Variants in IL1RAPL2 observed in about 807,000 individuals in gnomAD.
IL1RAPL2 encodes interleukin 1 receptor accessory protein like 2.
In IL1RAPL2, 3 loss-of-function variants were observed where a neutral mutation model predicts 44.1. That is an observed-to-expected ratio of 0.07 (90% CI 0.03 to 0.18). IL1RAPL2 has a LOEUF of 0.18. IL1RAPL2 is among the 10% of genes least tolerant of loss of function. The probability of loss-of-function intolerance (pLI) is 1.00; values close to 1 mark genes in which losing one functional copy is unlikely to be tolerated. For synonymous variants in IL1RAPL2, 181 were observed against 178.8 expected, an observed-to-expected ratio of 1.01 and a Z score of -0.10; for missense variants, 391 against 496.4, an observed-to-expected ratio of 0.79 and a Z score of 2.02.
At chrX:104,635,355 C>T (rs1056047703) in intron 1 of IL1RAPL2, among the ~76,000 whole-genome samples, 10 of 109,852 alleles carry the variant, frequency 9.1e-5, no homozygotes, top group East Asian at 2.9e-4. Flanking sequence ...ATCTTTGTGG[C>T]GTTCTCTGTA....
rs571033955 is a variant in IL1RAPL2 at position 104,803,948 on chromosome X, G to A, written c.82+144953G>A. The A allele has an allele frequency of 8.0e-5, 9 of 112,565 alleles. No homozygotes were observed. The South Asian group carries it at 3.2e-3, about 40-fold the overall frequency. 9.3% of individuals were successfully genotyped at this position (112,565 alleles called of 1,213,427 possible). On this transcript the variant is annotated intron_variant, in intron 2 of 10. Transcript: ENST00000372582. ...TGGCACGCTGCAAGAGTAAAAGGTG[G>A]CAGGGCACTACCTGCCCACTCCCAA...
chrX:104,956,495 T>TGTGTG (rs1556020850), intron 2 of IL1RAPL2, among the ~76,000 whole-genome samples: 3 of 108,593 alleles, frequency 2.8e-5, no homozygotes, highest in East Asian at 2.9e-4. Context: ...TGTGTGTGTG[T>TGTGTG]TATGCCGGGC....
chrX:104,934,943 G>A (rs1041216396), intron 2 of IL1RAPL2, among the ~76,000 whole-genome samples: 2 of 112,077 alleles, frequency 1.8e-5, no homozygotes, highest in Non-Finnish European at 3.8e-5. Flanking sequence ...CCACTTAGTA[G>A]TTGTGTGGAT....
chrX:105,282,997 A>G (rs373493626), intron 5 of IL1RAPL2, among the ~76,000 whole-genome samples: 4 of 111,734 alleles, frequency 3.6e-5, no homozygotes, highest in African/African-American at 1.3e-4. Context: ...TATCTTCATG[A>G]TGCTATTTAA....
At chrX:104,828,690 C>G (rs1194578945) in intron 2 of IL1RAPL2, among the ~76,000 whole-genome samples, 2 of 112,585 alleles carry the variant, frequency 1.8e-5, no homozygotes, top group African/African-American at 6.5e-5. Flanking sequence ...TCAGAGCCAG[C>G]AGGCAGGAAT....
intron 5 of IL1RAPL2, among the ~76,000 whole-genome samples, chrX:105,286,607 CTT>C (rs34962051): frequency 0.27 from 27,975 of 103,709 alleles, 7,386 homozygotes; most frequent in African/African-American, 0.81. Context: ...ACAAAACAGC[CTT>C]TTTTTTTTTT....
At chrX:104,955,078 G>T (rs1925678348) in intron 2 of IL1RAPL2, among the ~76,000 whole-genome samples, 1 of 112,082 alleles carries the variant, frequency 8.9e-6, no homozygotes, top group Admixed American at 9.5e-5. Context: ...ACTTCTGGGT[G>T]TTGCCATGGT....
intron 1 of IL1RAPL2, among the ~76,000 whole-genome samples, chrX:104,658,236 C>T (rs1195826956): frequency 1.8e-5 from 2 of 112,171 alleles, no homozygotes; most frequent in Non-Finnish European, 3.8e-5. Context: ...CAATGATAGG[C>T]TGGATTAAGA....
chrX:104,950,645 C>T lies in IL1RAPL2; in HGVS notation c.83-244830C>T, dbSNP rs186781471. On this transcript the variant is annotated intron_variant, in intron 2 of 10. Transcript: ENST00000372582. ...GATACTCCGTGGGCGTAGGACCCTCCGAGCTAGGTGCAGGATGTAATCTCC... is the reference window on the plus strand; with the variant it reads ...GATACTCCGTGGGCGTAGGACCCTCTGAGCTAGGTGCAGGATGTAATCTCC... Among the ~76,000 whole-genome samples the T allele has an allele frequency of 2.6e-3, 291 of 112,538 alleles. 1 individual carries two copies. The highest frequency in any genetic ancestry group is 0.023 in the Middle Eastern group (5 of 214).
At chrX:105,389,339 T>C (rs2035504361) in intron 5 of IL1RAPL2, among the ~76,000 whole-genome samples, 1 of 112,114 alleles carries the variant, frequency 8.9e-6, no homozygotes, top group Admixed American at 9.5e-5. Flanking sequence ...GTCTCCTCAC[T>C]CTCTTCTATA....
chrX:105,760,512 C>T (rs2038678112), intron 10 of IL1RAPL2, among the ~76,000 whole-genome samples: 1 of 112,132 alleles, frequency 8.9e-6, no homozygotes, highest in Non-Finnish European at 1.9e-5. Context: ...CCTCTACTCT[C>T]TGTGAAGAGG....
chrX:104,572,588 C>G (rs966983374), intron 1 of IL1RAPL2, among the ~76,000 whole-genome samples: 28 of 111,445 alleles, frequency 2.5e-4, no homozygotes, highest in African/African-American at 8.8e-4. Context: ...ATAATCTGTC[C>G]CTTTTCTTTT....
At chrX:105,701,966 T>A (rs748557838) in intron 6 of IL1RAPL2, among the ~76,000 whole-genome samples, 12 of 111,629 alleles carry the variant, frequency 1.1e-4, no homozygotes, top group African/African-American at 3.9e-4. Context: ...TTATACAAAA[T>A]ATAATTAGCA....
At chrX:105,101,395 T>TC (rs745546303) in intron 2 of IL1RAPL2, among the ~76,000 whole-genome samples, 1 of 111,956 alleles carries the variant, frequency 8.9e-6, no homozygotes, top group African/African-American at 3.2e-5. Flanking sequence ...GACTAGCACA[T>TC]CTTTATGGGG....
intron 2 of IL1RAPL2, among the ~76,000 whole-genome samples, chrX:105,080,890 C>T (rs1234057175): frequency 2.7e-5 from 3 of 111,464 alleles, no homozygotes; most frequent in Non-Finnish European, 5.6e-5. Flanking sequence ...TCTCTTATTT[C>T]CTTGAGCAGT....
intron 2 of IL1RAPL2, among the ~76,000 whole-genome samples, chrX:105,179,128 C>T (rs182762411): frequency 1.8e-5 from 2 of 111,705 alleles, no homozygotes; most frequent in East Asian, 5.6e-4. Flanking sequence ...AGTTTCAGGT[C>T]TTACATTTAA....
chrX:104,743,081 G>A (rs1245578267), intron 2 of IL1RAPL2, among the ~76,000 whole-genome samples: 1 of 111,149 alleles, frequency 9.0e-6, no homozygotes, highest in African/African-American at 3.3e-5. Flanking sequence ...TTCTGCTTGA[G>A]ACCAGCTCAA....
intron 6 of IL1RAPL2, among the ~76,000 whole-genome samples, chrX:105,663,336 A>G (rs1022362776): frequency 8.9e-6 from 1 of 112,464 alleles, no homozygotes; most frequent in African/African-American, 3.2e-5. Context: ...GTATCAAAAA[A>G]GTTTAAATTT....
intron 2 of IL1RAPL2, among the ~76,000 whole-genome samples, chrX:105,073,951 C>A (rs1402418162): frequency 2.7e-5 from 3 of 111,058 alleles, no homozygotes; most frequent in Admixed American, 1.9e-4. Context: ...GCCCTTTGTC[C>A]AATGAGTAGG....
Sources: gnomAD v4.1 joint callset for allele counts (sites outside exome capture counted in the v4.1 genomes callset) on GRCh38, gnomAD v4.1.1 for gene constraint, MANE v1.5 for transcripts, NCBI Gene and HGNC (gene_info 2026-07-23, HGNC 2026-07-21) for gene names.